The following HACD2 variants were observed in gnomAD, a reference collection of about 807,000 sequenced individuals.
The protein encoded by HACD2 is very-long-chain (3R)-3-hydroxyacyl-CoA dehydratase 2.
In HACD2, 15 loss-of-function variants were observed where a neutral mutation model predicts 31.0. That is an observed-to-expected ratio of 0.48 (90% CI 0.32 to 0.75). The LOEUF (loss-of-function observed/expected upper bound fraction) is 0.75, where lower values mean the gene tolerates loss of function less well. Among genes scored for constraint, HACD2 ranks in the 30% least tolerant of loss-of-function variants. The pLI is 0.03. For missense variants in HACD2, 283 were observed against 313.0 expected, an observed-to-expected ratio of 0.90 and a Z score of 0.72; for synonymous variants, 115 against 122.2, an observed-to-expected ratio of 0.94 and a Z score of 0.39.
At chr3:123,573,561 T>A (rs977692136) in intron 2 of HACD2, among the ~76,000 whole-genome samples, 1 of 152,112 alleles carries the variant, frequency 6.6e-6, no homozygotes, top group Admixed American at 6.5e-5. Flanking sequence ...CAGGACAGGG[T>A]GAGTGGTGAG....
At chr3:123,572,672 T>A (rs978717214) in intron 2 of HACD2, among the ~76,000 whole-genome samples, 56 of 152,326 alleles carry the variant, frequency 3.7e-4, no homozygotes, top group African/African-American at 1.3e-3. Flanking sequence ...TTTCTAAAAT[T>A]TGAACTAGGG....
At chr3:123,514,498 T>C (rs2056108396) in intron 4 of HACD2, among the ~76,000 whole-genome samples, 1 of 152,148 alleles carries the variant, frequency 6.6e-6, no homozygotes, top group Non-Finnish European at 1.5e-5. Flanking sequence ...TATTATCTGG[T>C]TCTCTAAACA....
chr3:123,529,354 G>A (rs2056324233), intron 3 of HACD2, among the ~76,000 whole-genome samples: 3 of 152,096 alleles, frequency 2.0e-5, no homozygotes, highest in South Asian at 2.1e-4. Flanking sequence ...CGCCTGCCTC[G>A]GCTTCCCAAA....
intron 2 of HACD2, among the ~76,000 whole-genome samples, chr3:123,575,011 T>G (rs150857351): frequency 6.6e-6 from 1 of 152,298 alleles, no homozygotes; most frequent in South Asian, 2.1e-4. Context: ...GGATTCCACA[T>G]GATCACACTG....
chr3:123,565,386 G>C (rs1234675955), intron 3 of HACD2, among the ~76,000 whole-genome samples: 1 of 152,086 alleles, frequency 6.6e-6, no homozygotes, highest in Non-Finnish European at 1.5e-5. Flanking sequence ...GGGGTATTCA[G>C]GAGGCGATTA....
chr3:123,510,569 G>A (rs915014678), intron 4 of HACD2, among the ~76,000 whole-genome samples: 1 of 152,156 alleles, frequency 6.6e-6, no homozygotes, highest in Admixed American at 6.6e-5. Flanking sequence ...GTATTTCTAT[G>A]TCTGGTTCAT....
chr3:123,567,014 T>C (rs1278509905), intron 3 of HACD2, among the ~76,000 whole-genome samples: 1 of 152,226 alleles, frequency 6.6e-6, no homozygotes, highest in African/African-American at 2.4e-5. Context: ...CATAACGGTA[T>C]AGATTTGCAG....
At position 123,525,531 on chromosome 3, in the gene HACD2, C is replaced by G. The variant is rs186063625; in HGVS notation, c.381+2855G>C. Among the ~76,000 whole-genome samples the G allele has an allele frequency of 2.6e-5, 4 of 152,142 alleles. No individual in the cohort carries two copies. In the East Asian group the frequency reaches 7.7e-4, roughly 29 times the overall value. ...ATAGGGCTTCTTAAAAGGAAATATA[C>G]CTCACGTGAAAAAAGTAGAGTCTAG... On this transcript the variant is annotated intron_variant, in intron 4 of 6. Coordinates refer to ENST00000383657, the MANE Select transcript of HACD2 (RefSeq NM_198402.5).
At chr3:123,507,177 C>G (rs1462125656) in intron 4 of HACD2, among the ~76,000 whole-genome samples, 4 of 152,078 alleles carry the variant, frequency 2.6e-5, no homozygotes, top group African/African-American at 9.7e-5. Context: ...ATTGCTTGAG[C>G]CCAGGAATTT....
chr3:123,562,217 CCTT>C (rs1470874785), intron 3 of HACD2, among the ~76,000 whole-genome samples: 2 of 152,166 alleles, frequency 1.3e-5, no homozygotes, highest in African/African-American at 4.8e-5. Flanking sequence ...GAAATCCCAT[CCTT>C]CTATTATCAA....
chr3:123,537,571 CAACA>C (rs1295723788), intron 3 of HACD2, among the ~76,000 whole-genome samples: 1 of 114,720 alleles, frequency 8.7e-6, no homozygotes, highest in Non-Finnish European at 1.8e-5. Context: ...CTCAAAACAA[CAACA>C]AATACACATA....
At chr3:123,554,265 C>T (rs2056650080) in intron 3 of HACD2, among the ~76,000 whole-genome samples, 1 of 145,242 alleles carries the variant, frequency 6.9e-6, no homozygotes. Flanking sequence ...TAAAAGACAA[C>T]CTTTAAAAAC....
At chr3:123,553,970 T>C (rs1217861056) in intron 3 of HACD2, among the ~76,000 whole-genome samples, 1 of 148,548 alleles carries the variant, frequency 6.7e-6, no homozygotes, top group East Asian at 2.0e-4. Context: ...ATTATTATTT[T>C]ATATAATATA....
Position 123,511,047 on chromosome 3 carries a change from G to C in HACD2, c.382-8366C>G, listed in dbSNP as rs143989180. 3.0e-3 allele frequency among the ~76,000 whole-genome samples: 456 copies of C among 150,496 alleles called. 2 individuals carry two copies. Among genetic ancestry groups the C allele is most frequent in the African/African-American group, 0.011 (444 of 41,006 alleles). On this transcript the variant is annotated intron_variant, in intron 4 of 6. Coordinates refer to ENST00000383657, the MANE Select transcript of HACD2 (RefSeq NM_198402.5). Reference sequence around the variant, plus strand: ...CACGTCCCTAATGACTAGTGATGTTGAGCATCTTTTCACGTGCTTATTGGC... The same window carrying C: ...CACGTCCCTAATGACTAGTGATGTTCAGCATCTTTTCACGTGCTTATTGGC...
At chr3:123,509,563 A>C (rs372135895) in intron 4 of HACD2, among the ~76,000 whole-genome samples, 2 of 145,276 alleles carry the variant, frequency 1.4e-5, no homozygotes. Flanking sequence ...CAGTGGCGTG[A>C]TCTCAGCTCA....
At chr3:123,545,870 C>T (rs1211174148) in intron 3 of HACD2, among the ~76,000 whole-genome samples, 4 of 151,852 alleles carry the variant, frequency 2.6e-5, no homozygotes. Context: ...CACCACCATG[C>T]CCAGCTAACT....
At chr3:123,554,842 A>G (rs1178895283) in intron 3 of HACD2, among the ~76,000 whole-genome samples, 2 of 152,232 alleles carry the variant, frequency 1.3e-5, no homozygotes, top group Non-Finnish European at 2.9e-5. Context: ...AAGACAAAAA[A>G]GCATTAAATC....
At chr3:123,581,382 T>C (rs1164308199) in intron 2 of HACD2, among the ~76,000 whole-genome samples, 1 of 152,130 alleles carries the variant, frequency 6.6e-6, no homozygotes, top group Non-Finnish European at 1.5e-5. Flanking sequence ...TGTCCTAAGA[T>C]TGGCTAATCA....
Position 123,528,370 on chromosome 3 carries a change from C to A in HACD2, c.381+16G>T. On this transcript the variant is annotated intron_variant, in intron 4 of 6. Transcript: ENST00000383657. Reference sequence around the variant, plus strand: ...TTGTTAGTGTTGACATTATTTTGGTCTATATAAACACTTACCTCTTTGACG... The same window carrying A: ...TTGTTAGTGTTGACATTATTTTGGTATATATAAACACTTACCTCTTTGACG... 2 of 1,491,884 alleles carry A rather than the reference C, an allele frequency of 1.3e-6. No individual in the cohort carries two copies. Among genetic ancestry groups the A allele is most frequent in the Non-Finnish European group, 1.9e-6 (2 of 1,069,924 alleles). The allele number at this position is 1,491,884 out of a possible 1,614,324, so 92.4% of individuals were successfully genotyped here. A position where few individuals can be genotyped will look rare whatever the true frequency, so the allele number is the denominator to read the frequency against.
Sources: allele counts gnomAD v4.1 joint callset (sites outside exome capture counted in the v4.1 genomes callset), GRCh38; gene constraint gnomAD v4.1.1; transcripts MANE v1.5; gene names NCBI Gene and HGNC (gene_info 2026-07-23, HGNC 2026-07-21).